Variants in FBXL2 observed in about 807,000 individuals in gnomAD.
FBXL2 encodes the protein F-box and leucine rich repeat protein 2.
Under a neutral mutation model 69.2 loss-of-function variants are expected in FBXL2, and 38 were observed. That is an observed-to-expected ratio of 0.55 (90% confidence interval 0.42 to 0.72). The LOEUF (loss-of-function observed/expected upper bound fraction) is 0.72. FBXL2 is among the 30% of genes least tolerant of loss of function. The pLI, the probability that FBXL2 is intolerant of heterozygous loss-of-function variation, is 0.00. For missense variants in FBXL2, 354 were observed against 520.3 expected (o/e 0.68, Z 3.11); for synonymous variants, 192 against 201.3 (o/e 0.95, Z 0.39).
chr3:33,346,364 C>G (rs1489046534), intron 2 of FBXL2, among the ~76,000 whole-genome samples: 1 of 151,750 alleles, frequency 6.6e-6, no homozygotes, highest in Non-Finnish European at 1.5e-5. Flanking sequence ...TGTGTGAGAT[C>G]GTGAGTTCAA....
chr3:33,404,469 CTA>C (rs2044360885), downstream of FBXL2, among the ~76,000 whole-genome samples: 1 of 145,556 alleles, frequency 6.9e-6, no homozygotes, highest in Non-Finnish European at 1.5e-5. Context: ...CAAAGCCAAG[CTA>C]AAGATAATAG....
intron 5 of FBXL2, among the ~76,000 whole-genome samples, chr3:33,366,837 G>A (rs1369930471): frequency 6.6e-6 from 1 of 152,034 alleles, no homozygotes; most frequent in African/African-American, 2.4e-5. Flanking sequence ...GGTGGCAGGT[G>A]CCTGTAGTCC....
At chr3:33,340,332 T>C (rs2039917652) in intron 2 of FBXL2, among the ~76,000 whole-genome samples, 1 of 152,106 alleles carries the variant, frequency 6.6e-6, no homozygotes, top group Non-Finnish European at 1.5e-5. Context: ...GAACATGCAA[T>C]AATGACCATC....
intron 2 of FBXL2, among the ~76,000 whole-genome samples, chr3:33,312,567 C>G (rs1302331107): frequency 2.0e-5 from 3 of 152,128 alleles, no homozygotes; most frequent in Non-Finnish European, 4.4e-5. Context: ...ACCAGTCAGC[C>G]CATCCGGAGA....
chr3:33,362,494 C>T (rs957052907), intron 4 of FBXL2, among the ~76,000 whole-genome samples: 2 of 128,640 alleles, frequency 1.6e-5, no homozygotes, highest in Non-Finnish European at 1.8e-5. Context: ...TTTTCCCCCT[C>T]TTAGTTGGAA....
intron 1 of FBXL2, among the ~76,000 whole-genome samples, chr3:33,296,823 T>G (rs2035790352): frequency 6.6e-6 from 1 of 152,216 alleles, no homozygotes; most frequent in Non-Finnish European, 1.5e-5. Context: ...ATCTGGAAGT[T>G]TGCGTCCTTC....
At chr3:33,333,121 T>C (rs1478654746) in intron 2 of FBXL2, among the ~76,000 whole-genome samples, 3 of 152,148 alleles carry the variant, frequency 2.0e-5, no homozygotes, top group Non-Finnish European at 4.4e-5. Flanking sequence ...GACTGCTTAA[T>C]GGGTATAGTG....
At chr3:33,397,976 C>T (rs2044073590) in intron 12 of FBXL2, 1 of 152,292 alleles carries the variant, frequency 6.6e-6, no homozygotes, top group South Asian at 2.1e-4. Context: ...GATATGGCAT[C>T]TAGGATTTGC....
intron 2 of FBXL2, among the ~76,000 whole-genome samples, chr3:33,336,153 CA>C (rs2039560409): frequency 1.3e-5 from 2 of 151,978 alleles, no homozygotes; most frequent in Non-Finnish European, 2.9e-5. Context: ...TCACAAAGAA[CA>C]AGAGCAAAGT....
chr3:33,414,627 A>G, the FBXL2 span, among the ~76,000 whole-genome samples: 1 of 152,172 alleles, frequency 6.6e-6, no homozygotes, highest in African/African-American at 2.4e-5. Flanking sequence ...AGCATATTTT[A>G]GGGATTCTCT....
intron 1 of FBXL2, among the ~76,000 whole-genome samples, chr3:33,291,808 G>T (rs2035251341): frequency 6.6e-6 from 1 of 152,058 alleles, no homozygotes; most frequent in Non-Finnish European, 1.5e-5. Context: ...TATAAAGATG[G>T]CAGACTTAAA....
intron 2 of FBXL2, among the ~76,000 whole-genome samples, chr3:33,313,008 T>G (rs1263805102): frequency 6.6e-6 from 1 of 151,730 alleles, no homozygotes; most frequent in African/African-American, 2.4e-5. Context: ...TAGTCCCAGC[T>G]ACTTGGGAGG....
At chr3:33,360,788 G>A (rs904813912) in intron 4 of FBXL2, among the ~76,000 whole-genome samples, 19 of 151,942 alleles carry the variant, frequency 1.3e-4, no homozygotes, top group African/African-American at 4.6e-4. Flanking sequence ...CATTTCTACT[G>A]ACCACAAAGT....
intron 1 of FBXL2, among the ~76,000 whole-genome samples, chr3:33,284,593 G>C (rs145708164): frequency 0.019 from 2,873 of 152,164 alleles, 87 homozygotes; most frequent in African/African-American, 0.066. Flanking sequence ...TCAATTCCTG[G>C]ATATCCTTGT....
chr3:33,291,963 G>T (rs2035266092), intron 1 of FBXL2, among the ~76,000 whole-genome samples: 1 of 152,070 alleles, frequency 6.6e-6, no homozygotes, highest in African/African-American at 2.4e-5. Flanking sequence ...GATTGAAAAA[G>T]GGTGAAAAAG....
chr3:33,318,113 TTTG>T (rs1293032956), intron 2 of FBXL2, among the ~76,000 whole-genome samples: 1 of 151,958 alleles, frequency 6.6e-6, no homozygotes, highest in Non-Finnish European at 1.5e-5. Context: ...CCAGACGTCT[TTTG>T]TTTTGTTTTG....
chr3:33,362,488 C>G (rs996502485), intron 4 of FBXL2, among the ~76,000 whole-genome samples: 2 of 150,346 alleles, frequency 1.3e-5, no homozygotes, highest in East Asian at 2.0e-4. Context: ...TTTGCATTTT[C>G]CCCCTCTTAG....
intron 5 of FBXL2, among the ~76,000 whole-genome samples, chr3:33,365,600 T>C (rs1575354153): frequency 6.6e-6 from 1 of 152,228 alleles, no homozygotes; most frequent in East Asian, 1.9e-4. Flanking sequence ...GCTAAGGATG[T>C]GTACTGGCCA....
intron 10 of FBXL2, among the ~76,000 whole-genome samples, chr3:33,376,830 G>A (rs532386699): frequency 7.9e-5 from 12 of 152,000 alleles, no homozygotes; most frequent in South Asian, 4.2e-4. Context: ...ATGAAATCCC[G>A]TTTCTACTAA....
Sources: allele counts gnomAD v4.1 joint callset (sites outside exome capture counted in the v4.1 genomes callset), GRCh38; gene constraint gnomAD v4.1.1; transcripts MANE v1.5; gene names NCBI Gene and HGNC (gene_info 2026-07-23, HGNC 2026-07-21).